Variants in USP38 observed in about 807,000 individuals in gnomAD.
USP38 encodes the protein ubiquitin carboxyl-terminal hydrolase 38.
Under a neutral mutation model 94.3 loss-of-function variants are expected in USP38, and 49 were observed. The observed-to-expected ratio is 0.52, with a 90% CI of 0.41 to 0.66. USP38 has a LOEUF of 0.66. USP38 is among the 30% of genes least tolerant of loss of function. The pLI is 0.00. For missense variants in USP38, 1,128 were observed against 1,229.4 expected, an observed-to-expected ratio of 0.92 and a Z score of 1.23; for synonymous variants, 468 against 463.6, an observed-to-expected ratio of 1.01 and a Z score of -0.12.
intron 8 of USP38, 101 bp from the exon 9 acceptor site, chr4:143,213,480 A>T: frequency 8.1e-7 from 1 of 1,239,878 alleles, no homozygotes; most frequent in Non-Finnish European, 1.1e-6. Flanking sequence ...TGTTTACATT[A>T]AATTTGATTA....
chr4:143,214,831 C>A lies in USP38; in HGVS notation c.2855C>A (p.Thr952Asn). 3 of 1,613,614 alleles carry A rather than the reference C, an allele frequency of 1.9e-6. No homozygotes were observed. In the South Asian group the frequency reaches 3.3e-5, roughly 18 times the overall value. Residue 952 changes from threonine (T) to asparagine (N), a missense_variant, in exon 9 of 10, where the codon ACT becomes AAT. Coordinates refer to ENST00000307017, the MANE Select transcript of USP38 (RefSeq NM_032557.6). ...CTTTTGTATAAAAAACAGCATAGTA[C>A]TAATGGTTTAAGTGGTAATAACCCA... is the stretch of plus-strand genomic sequence containing the variant. ...YVLLYKKQHS[T>N]NGLSGNNPTS...
chr4:143,222,627 A>G lies in USP38; in HGVS notation c.*2171A>G, dbSNP rs373991258. On this transcript the variant is annotated 3_prime_UTR_variant, in exon 10 of 10. Coordinates refer to ENST00000307017, the MANE Select transcript of USP38 (RefSeq NM_032557.6). ...TATAGTAACACTGAAGAGTATTCAA[A>G]TGATAACTCATACCAGTACCAAAAA... 6.6e-6 allele frequency: 1 copy of G among 152,132 alleles called. No homozygotes were observed. Among genetic ancestry groups the G allele is most frequent in the Non-Finnish European group, 1.5e-5 (1 of 67,966 alleles). The allele number at this position is 152,132 out of a possible 1,614,324, so 9.4% of individuals were successfully genotyped here. A position where few individuals can be genotyped will look rare whatever the true frequency, so the allele number is the denominator to read the frequency against.
At chr4:143,192,964 T>G (rs1340370016) in intron 2 of USP38, among the ~76,000 whole-genome samples, 1 of 151,978 alleles carries the variant, frequency 6.6e-6, no homozygotes, top group Non-Finnish European at 1.5e-5. Flanking sequence ...CATGGCCAAG[T>G]GGAATTTTCT....
chr4:143,185,683 CCTT>C lies in USP38; in HGVS notation c.238_240del (p.Phe80del). 3 of 1,614,168 alleles carry C rather than the reference CCTT, an allele frequency of 1.9e-6. No homozygotes were observed. Among genetic ancestry groups the C allele is most frequent in the Non-Finnish European group, 2.5e-6 (3 of 1,180,024 alleles). The stretch of plus-strand genomic sequence containing the variant: ...CGATACCACCGGCCAGAGTTCGAGT[CCTT>C]CTTCAACAAGACCTTCGTGTTGGGC... On this transcript the variant is annotated inframe_deletion, in exon 1 of 10. Coordinates refer to ENST00000307017, the MANE Select transcript of USP38 (RefSeq NM_032557.6).
chr4:143,212,997 A>G (rs527765672), intron 8 of USP38, among the ~76,000 whole-genome samples: 5 of 152,268 alleles, frequency 3.3e-5, no homozygotes, highest in Admixed American at 3.3e-4. Context: ...CATGTAAAGG[A>G]AAGCTCTTTG....
Position 143,222,502 on chromosome 4 carries a change from TG to T in USP38, c.*2047del, listed in dbSNP as rs1732350804. The T allele has an allele frequency of 6.6e-6, 1 of 152,100 alleles. No homozygotes were observed. Among genetic ancestry groups the T allele is most frequent in the African/African-American group, 2.4e-5 (1 of 41,450 alleles). The allele number at this position is 152,100 out of a possible 1,614,324, so 9.4% of individuals were successfully genotyped here. A position where few individuals can be genotyped will look rare whatever the true frequency, so the allele number is the denominator to read the frequency against. ...GTAGTTGTTATATTGTTTTTTCATT[TG>T]TACTATTTTTTATGATATTTATTGG... On this transcript the variant is annotated 3_prime_UTR_variant, in exon 10 of 10. Coordinates refer to ENST00000307017, the MANE Select transcript of USP38 (RefSeq NM_032557.6).
intron 7 of USP38, 44 bp downstream of exon 7, chr4:143,209,701 G>T (rs1235610035): frequency 8.0e-7 from 1 of 1,252,294 alleles, no homozygotes; most frequent in Admixed American, 2.0e-5. Flanking sequence ...TAACTGCGTG[G>T]TAATATTCAT....
chr4:143,185,776 A>G lies in USP38; in HGVS notation c.326A>G (p.Asn109Ser), dbSNP rs1311050920. ...KDVAILDYIH[N>S]GLKLIMSCPS... The stretch of plus-strand genomic sequence containing the variant: ...GTAGCCATCCTGGACTACATTCACA[A>G]CGGCCTGAAGCTGATTATGAGCTGT... The change falls in exon 1 of 10, where the codon AAC (asparagine) becomes AGC (serine). Residue 109 changes from asparagine to serine, a missense_variant. Transcript: ENST00000307017. The G allele has an allele frequency of 1.2e-6, 2 of 1,614,126 alleles. No individual in the cohort carries two copies. The highest frequency in any genetic ancestry group is 2.2e-5 in the East Asian group (1 of 44,870).
chr4:143,217,598 T>C (rs999755345), intron 9 of USP38, among the ~76,000 whole-genome samples: 5 of 152,238 alleles, frequency 3.3e-5, no homozygotes, highest in Non-Finnish European at 5.9e-5. Context: ...GCTTTCATTT[T>C]AATACTTCAT....
intron 4 of USP38, among the ~76,000 whole-genome samples, chr4:143,200,727 C>A (rs537743898): frequency 1.8e-4 from 27 of 152,276 alleles, no homozygotes; most frequent in African/African-American, 6.5e-4. Context: ...TTCCTATACA[C>A]CAACAGCAGT....
intron 2 of USP38, among the ~76,000 whole-genome samples, chr4:143,193,520 C>T (rs1398663844): frequency 2.6e-5 from 4 of 152,080 alleles, no homozygotes; most frequent in African/African-American, 4.8e-5. Flanking sequence ...AGTTGGAAGA[C>T]GTGGAATAGC....
At chr4:143,189,823 T>C (rs137863790) in intron 2 of USP38, among the ~76,000 whole-genome samples, 233 of 152,150 alleles carry the variant, frequency 1.5e-3, no homozygotes, top group African/African-American at 5.3e-3. Context: ...TTTGATAATC[T>C]GTATTTTTAT....
intron 2 of USP38, among the ~76,000 whole-genome samples, chr4:143,193,893 T>G (rs1227216616): frequency 1.3e-5 from 2 of 152,116 alleles, no homozygotes; most frequent in African/African-American, 4.8e-5. Context: ...CAAGACCAGC[T>G]CAGGCAACCC....
In USP38 at chr4:143,204,577, CG is replaced by C. The variant is rs150176009; in HGVS notation, c.1209+1015del. 2,237 of 349,228 alleles carry C rather than the reference CG, an allele frequency of 6.4e-3. 55 individuals carry two copies. Among genetic ancestry groups the C allele is most frequent in the African/African-American group, 0.046 (2,085 of 45,376 alleles). 21.6% of individuals were successfully genotyped at this position (349,228 alleles called of 1,614,324 possible). Reference sequence around the variant, plus strand: ...GCTAACTTTTTATTTTTTGTAGAGTCGGGGCCTCACTATGTTGCTCAGGCTG... The same window carrying C: ...GCTAACTTTTTATTTTTTGTAGAGTCGGGCCTCACTATGTTGCTCAGGCTG... On this transcript the variant is annotated intron_variant, in intron 5 of 9. Coordinates refer to ENST00000307017, the MANE Select transcript of USP38 (RefSeq NM_032557.6).
At chr4:143,190,851 T>A (rs1393349736) in intron 2 of USP38, among the ~76,000 whole-genome samples, 1 of 152,118 alleles carries the variant, frequency 6.6e-6, no homozygotes, top group South Asian at 2.1e-4. Flanking sequence ...TGTAGTGACT[T>A]CCACTACCTA....
At chr4:143,205,434 A>T (rs1043240720) in intron 5 of USP38, among the ~76,000 whole-genome samples, 103 of 152,216 alleles carry the variant, frequency 6.8e-4, no homozygotes, top group Non-Finnish European at 2.4e-4. Context: ...CACAAAGTTG[A>T]TAAGAAAAAT....
At position 143,220,974 on chromosome 4, in the gene USP38, C is replaced by T. The variant is rs1732310185; in HGVS notation, c.*518C>T. 6.6e-6 allele frequency: 1 copy of T among 152,334 alleles called. No individual in the cohort carries two copies. The highest frequency in any genetic ancestry group is 2.1e-4 in the South Asian group (1 of 4,832). The allele number at this position is 152,334 out of a possible 1,614,324, so 9.4% of individuals were successfully genotyped here. A position where few individuals can be genotyped will look rare whatever the true frequency, so the allele number is the denominator to read the frequency against. On this transcript the variant is annotated 3_prime_UTR_variant, in exon 10 of 10. Coordinates refer to ENST00000307017, the MANE Select transcript of USP38 (RefSeq NM_032557.6). ...TAACAAAATTTATCAAGATATAGTA[C>T]TTTTCAGTTTTTGTTTAGTGTCTTC...
chr4:143,188,627 C>T (rs1454130092), intron 2 of USP38, among the ~76,000 whole-genome samples: 2 of 152,036 alleles, frequency 1.3e-5, no homozygotes, highest in African/African-American at 2.4e-5. Context: ...TAGGTATAAT[C>T]TTAATATTAT....
At chr4:143,210,143 G>A (rs907168411) in intron 7 of USP38, among the ~76,000 whole-genome samples, 1 of 152,070 alleles carries the variant, frequency 6.6e-6, no homozygotes, top group South Asian at 2.1e-4. Context: ...TTAAGTTCTA[G>A]AGCTTAAAAT....
Sources: allele counts gnomAD v4.1 joint callset (sites outside exome capture counted in the v4.1 genomes callset), GRCh38; gene constraint gnomAD v4.1.1; transcripts MANE v1.5; gene names NCBI Gene and HGNC (gene_info 2026-07-23, HGNC 2026-07-21).